ADD3: variants seen among roughly 807,000 people sequenced by gnomAD.
ADD3 encodes the protein adducin 3.
A neutral mutation model predicts 80.2 loss-of-function variants in ADD3; 25 were observed. That is an observed-to-expected ratio of 0.31 (90% CI 0.23 to 0.44). ADD3 has a LOEUF of 0.44. Among genes scored for constraint, ADD3 ranks in the 20% least tolerant of loss-of-function variants. ADD3 has a pLI of 1.00. For missense variants in ADD3, 829 were observed against 847.5 expected (o/e 0.98, Z 0.27); for synonymous variants, 284 against 289.6 (o/e 0.98, Z 0.20).
At chr10:110,084,985 G>T (rs1271405946) in intron 1 of ADD3, among the ~76,000 whole-genome samples, 1 of 152,094 alleles carries the variant, frequency 6.6e-6, no homozygotes, top group African/African-American at 2.4e-5. Flanking sequence ...TGAGAGTTCA[G>T]TTTCCAGCAG....
intron 3 of ADD3, among the ~76,000 whole-genome samples, chr10:110,113,400 T>G (rs1850300936): frequency 6.6e-6 from 1 of 152,080 alleles, no homozygotes; most frequent in Admixed American, 6.6e-5. Context: ...CCTGAGTAGC[T>G]GGTATTACAG....
chr10:110,005,457 G>T (rs1851587906), upstream of ADD3, among the ~76,000 whole-genome samples: 1 of 152,140 alleles, frequency 6.6e-6, no homozygotes, highest in Non-Finnish European at 1.5e-5. Flanking sequence ...TATGCTTATA[G>T]GTAGGACTTG....
At chr10:110,016,876 A>G (rs950063133) in intron 1 of ADD3, among the ~76,000 whole-genome samples, 9 of 152,202 alleles carry the variant, frequency 5.9e-5, no homozygotes, top group African/African-American at 2.2e-4. Context: ...TGGAGGTTTA[A>G]GGTATCTGGA....
At chr10:110,113,172 G>A (rs916406634) in intron 3 of ADD3, among the ~76,000 whole-genome samples, 9 of 152,276 alleles carry the variant, frequency 5.9e-5, no homozygotes, top group East Asian at 3.9e-4. Flanking sequence ...CAGCCACATG[G>A]GAGGCTGAGG....
chr10:110,046,507 G>A (rs1395580214), intron 1 of ADD3, among the ~76,000 whole-genome samples: 1 of 151,572 alleles, frequency 6.6e-6, no homozygotes, highest in South Asian at 2.1e-4. Context: ...TTCTGGAGAC[G>A]GGGAGGATCA....
intron 1 of ADD3, among the ~76,000 whole-genome samples, chr10:110,094,126 CTA>C (rs1361882057): frequency 2.0e-5 from 3 of 152,092 alleles, no homozygotes; most frequent in Non-Finnish European, 4.4e-5. Context: ...ACCATTAAGT[CTA>C]TTACAAGCAC....
chr10:110,048,033 G>A (rs1857089884), intron 1 of ADD3, among the ~76,000 whole-genome samples: 1 of 152,192 alleles, frequency 6.6e-6, no homozygotes, highest in South Asian at 2.1e-4. Flanking sequence ...TAATTCCCAT[G>A]TGTTGTGAGA....
At chr10:110,042,368 G>T (rs1856465918) in intron 1 of ADD3, among the ~76,000 whole-genome samples, 1 of 152,142 alleles carries the variant, frequency 6.6e-6, no homozygotes, top group Non-Finnish European at 1.5e-5. Context: ...GTGACAAAGA[G>T]TCCAGGCATT....
At chr10:110,099,252 A>T (rs1432099916) in intron 1 of ADD3, among the ~76,000 whole-genome samples, 3 of 151,910 alleles carry the variant, frequency 2.0e-5, no homozygotes, top group Non-Finnish European at 2.9e-5. Context: ...AAAAAAAAAA[A>T]TACAAAAATG....
In ADD3 at chr10:110,124,265, C is replaced by G. The variant is rs778219063; in HGVS notation, c.1392C>G (p.Thr464=). Residue 464 remains threonine, a synonymous_variant, in exon 10 of 15, where the codon ACC becomes ACG. Coordinates refer to ENST00000356080, the MANE Select transcript of ADD3 (RefSeq NM_016824.5). ...ESRNGETSPR[T]KITWMKAEDS... Reference sequence around the variant, plus strand: ...GGAACGGAGAAACCAGTCCCCGAACCAAAATCACGGTATGCCAGTATTTTA... The same window carrying G: ...GGAACGGAGAAACCAGTCCCCGAACGAAAATCACGGTATGCCAGTATTTTA... 4.3e-6 allele frequency: 7 copies of G among 1,613,720 alleles called. No individual in the cohort carries two copies. The highest frequency in any genetic ancestry group is 5.9e-6 in the Non-Finnish European group (7 of 1,179,738).
chr10:110,126,610 TAA>T (rs1852188947), intron 12 of ADD3, 107 bp downstream of exon 12: 3 of 805,862 alleles, frequency 3.7e-6, no homozygotes, highest in Non-Finnish European at 1.9e-6. Context: ...AAGCACAAGT[TAA>T]AAAGTCAACT....
chr10:110,065,581 C>T (rs1276366163), intron 1 of ADD3, among the ~76,000 whole-genome samples: 1 of 53,718 alleles, frequency 1.9e-5, no homozygotes, highest in Non-Finnish European at 5.5e-5. Flanking sequence ...ACTCTGTTGC[C>T]CAGGCTGGAG....
intron 13 of ADD3, among the ~76,000 whole-genome samples, chr10:110,131,548 T>C (rs1211962363): frequency 2.0e-5 from 3 of 152,246 alleles, no homozygotes; most frequent in Non-Finnish European, 2.9e-5. Context: ...TTTTTGTCCA[T>C]GTTAGATATC....
intron 1 of ADD3, among the ~76,000 whole-genome samples, chr10:110,018,265 C>T (rs527553289): frequency 2.0e-5 from 3 of 152,200 alleles, no homozygotes; most frequent in South Asian, 4.1e-4. Flanking sequence ...AGTGGCTCAA[C>T]GCCTGTAATC....
At chr10:110,063,282 T>A (rs75301718) in intron 1 of ADD3, among the ~76,000 whole-genome samples, 2,695 of 152,284 alleles carry the variant, frequency 0.018, 90 homozygotes, top group African/African-American at 0.061. Flanking sequence ...TGTGATAATT[T>A]ATGCTGCACT....
At chr10:110,081,395 G>T (rs1375908491) in intron 1 of ADD3, among the ~76,000 whole-genome samples, 3 of 152,254 alleles carry the variant, frequency 2.0e-5, no homozygotes, top group South Asian at 2.1e-4. Flanking sequence ...CCTGTTCCTT[G>T]CGTTGTTGGA....
intron 1 of ADD3, among the ~76,000 whole-genome samples, chr10:110,035,494 A>G (rs1254854632): frequency 1.3e-5 from 2 of 152,246 alleles, no homozygotes; most frequent in Non-Finnish European, 1.5e-5. Flanking sequence ...CAGAAGTGCC[A>G]TTAAAAGCTC....
rs571689453 is a variant in ADD3 at position 110,018,628 on chromosome 10, T to A, written c.-30+10329T>A. ...CTTGAAGGAGGAGTTAAGATTTCATTAAGTGGAGAAGATGGAAAGGATTTT... is the reference window on the plus strand; with the variant it reads ...CTTGAAGGAGGAGTTAAGATTTCATAAAGTGGAGAAGATGGAAAGGATTTT... On this transcript the variant is annotated intron_variant, in intron 1 of 14. Coordinates refer to ENST00000356080, the MANE Select transcript of ADD3 (RefSeq NM_016824.5). Among the ~76,000 whole-genome samples the A allele has an allele frequency of 3.3e-5, 5 of 151,856 alleles. No individual in the cohort carries two copies. The East Asian group carries it at 9.7e-4, about 29-fold the overall frequency.
chr10:110,025,001 C>T (rs995826286), intron 1 of ADD3, among the ~76,000 whole-genome samples: 2 of 151,046 alleles, frequency 1.3e-5, no homozygotes, highest in Non-Finnish European at 2.9e-5. Flanking sequence ...CAAGTGGGTT[C>T]TTGTGCCTCA....
Sources: gnomAD v4.1 joint callset for allele counts (sites outside exome capture counted in the v4.1 genomes callset) on GRCh38, gnomAD v4.1.1 for gene constraint, MANE v1.5 for transcripts, NCBI Gene and HGNC (gene_info 2026-07-23, HGNC 2026-07-21) for gene names.